The following ARL5A variants were observed in gnomAD, a reference collection of about 807,000 sequenced individuals.
ARL5A encodes the protein ADP-ribosylation factor-like protein 5A.
ARL5A carries 18 observed loss-of-function variants against 25.9 expected under a neutral mutation model. The observed-to-expected ratio is 0.69, with a 90% CI of 0.48 to 1.03. ARL5A has a LOEUF of 1.03. Ranked by LOEUF, ARL5A falls within the 50% of genes least tolerant of loss-of-function variation. ARL5A has a pLI of 0.00. For synonymous variants in ARL5A, 61 were observed against 67.5 expected, an observed-to-expected ratio of 0.90 and a Z score of 0.47; for missense variants, 170 against 211.9, an observed-to-expected ratio of 0.80 and a Z score of 1.23.
intron 1 of ARL5A, among the ~76,000 whole-genome samples, chr2:151,822,198 T>C (rs144772821): frequency 0.011 from 1,662 of 151,942 alleles, 28 homozygotes; most frequent in African/African-American, 0.038. Context: ...TTAGTAGAGA[T>C]AGGGGTTTTG....
At chr2:151,825,228 A>G (rs1294259483) in intron 1 of ARL5A, among the ~76,000 whole-genome samples, 1 of 152,208 alleles carries the variant, frequency 6.6e-6, no homozygotes, top group African/African-American at 2.4e-5. Context: ...AAAAAAAGTT[A>G]CTAATGGCAA....
In ARL5A at chr2:151,828,208, C is replaced by A. The variant is rs1425033247; in HGVS notation, c.-32G>T. The A allele has an allele frequency of 1.2e-6, 2 of 1,602,956 alleles. No homozygotes were observed. The highest frequency in any genetic ancestry group is 1.7e-5 in the Admixed American group (1 of 59,282). On this transcript the variant is annotated 5_prime_UTR_variant, in exon 1 of 6. Transcript: ENST00000295087. ...GCAGCGGACCCCCCCCCTCCAGACA[C>A]CCGGGCCGCCTGGCTTCCCCCGGCT...
chr2:151,811,600 G>T (rs1477448483), intron 4 of ARL5A, among the ~76,000 whole-genome samples: 1 of 151,552 alleles, frequency 6.6e-6, no homozygotes, highest in Non-Finnish European at 1.5e-5. Context: ...TTGAGACAAG[G>T]TCTCACTCTG....
At position 151,814,168 on chromosome 2, in the gene ARL5A, C is replaced by T; in HGVS notation, c.255+1G>A. 6.4e-7 allele frequency: 1 copy of T among 1,570,940 alleles called. No homozygotes were observed. The highest frequency in any genetic ancestry group is 8.6e-7 in the Non-Finnish European group (1 of 1,165,514). ...ATTTTAAATATTGTAAGAAACATTA[C>T]CTCTGTGTTAGTATAGTAAGTGTTC... On this transcript the variant is annotated splice_donor_variant, in intron 3 of 5. Transcript: ENST00000295087. LOFTEE classifies it high-confidence loss of function.
Position 151,828,198 on chromosome 2 carries a change from C to CCCT in ARL5A, c.-23_-22insAGG. On this transcript the variant is annotated 5_prime_UTR_variant, in exon 1 of 6. Coordinates refer to ENST00000295087, the MANE Select transcript of ARL5A (RefSeq NM_012097.4). ...CCATTCTCGGGCAGCGGACCCCCCCCCTCCAGACACCCGGGCCGCCTGGCT... is the reference window on the plus strand; with the variant it reads ...CCATTCTCGGGCAGCGGACCCCCCCCCCTCTCCAGACACCCGGGCCGCCTGGCT... 6.2e-7 allele frequency: 1 copy of CCCT among 1,600,546 alleles called. No homozygotes were observed. The highest frequency in any genetic ancestry group is 8.5e-7 in the Non-Finnish European group (1 of 1,172,574).
chr2:151,805,240 C>T (rs1366801398), intron 5 of ARL5A, among the ~76,000 whole-genome samples: 2 of 151,480 alleles, frequency 1.3e-5, no homozygotes, highest in African/African-American at 4.8e-5. Context: ...AATTAAAAAA[C>T]CTTTTTTAAG....
chr2:151,802,722 T>C lies in ARL5A; in HGVS notation c.*554A>G, dbSNP rs999045853. ...ACACTAATGCCAATACTTATCTCAT[T>C]GTGGTTATAACGAAGGATATTATTA... On this transcript the variant is annotated 3_prime_UTR_variant, in exon 6 of 6. Coordinates refer to ENST00000295087, the MANE Select transcript of ARL5A (RefSeq NM_012097.4). 6.5e-6 allele frequency: 1 copy of C among 152,920 alleles called. No individual in the cohort carries two copies. Among genetic ancestry groups the C allele is most frequent in the African/African-American group, 2.4e-5 (1 of 41,436 alleles). The allele number at this position is 152,920 out of a possible 1,614,324, so 9.5% of individuals were successfully genotyped here. A position where few individuals can be genotyped will look rare whatever the true frequency, so the allele number is the denominator to read the frequency against.
At chr2:151,804,477 G>A (rs943803947) in intron 5 of ARL5A, among the ~76,000 whole-genome samples, 5 of 151,960 alleles carry the variant, frequency 3.3e-5, no homozygotes, top group Non-Finnish European at 1.5e-5. Context: ...GTCTAATAAC[G>A]TAAAAGAAGA....
At chr2:151,820,511 T>C (rs1443185736) in intron 1 of ARL5A, among the ~76,000 whole-genome samples, 1 of 151,698 alleles carries the variant, frequency 6.6e-6, no homozygotes, top group Non-Finnish European at 1.5e-5. Context: ...AATTCAAAAA[T>C]TAGCTGGGTG....
chr2:151,827,191 A>C (rs2099833177), intron 1 of ARL5A, among the ~76,000 whole-genome samples: 1 of 152,240 alleles, frequency 6.6e-6, no homozygotes, highest in Non-Finnish European at 1.5e-5. Flanking sequence ...AAAAGAAACA[A>C]AAGTACACCA....
rs534869983 is a variant in ARL5A at position 151,815,737 on chromosome 2, A to G, written c.47-538T>C. Among the ~76,000 whole-genome samples, 12 of 152,288 alleles carry G rather than the reference A, an allele frequency of 7.9e-5. No homozygotes were observed. The East Asian group carries it at 2.3e-3, about 29-fold the overall frequency. On this transcript the variant is annotated intron_variant, in intron 1 of 5. Coordinates refer to ENST00000295087, the MANE Select transcript of ARL5A (RefSeq NM_012097.4). ...TCTAAGAACCTATGGCTATGGTGGCAGCGACTCCCTCCCCCCATTTGGCTT... is the reference window on the plus strand; with the variant it reads ...TCTAAGAACCTATGGCTATGGTGGCGGCGACTCCCTCCCCCCATTTGGCTT...
intron 1 of ARL5A, among the ~76,000 whole-genome samples, chr2:151,820,087 C>T (rs2151296401): frequency 6.6e-6 from 1 of 152,296 alleles, no homozygotes; most frequent in Admixed American, 6.5e-5. Flanking sequence ...ACAGACAAGT[C>T]TAAGATAAAG....
At chr2:151,824,292 A>C (rs1181426769) in intron 1 of ARL5A, among the ~76,000 whole-genome samples, 1 of 152,232 alleles carries the variant, frequency 6.6e-6, no homozygotes, top group Admixed American at 6.5e-5. Flanking sequence ...AGCTAGGCTA[A>C]AGCCATGGTT....
chr2:151,803,713 C>T (rs929743098), intron 5 of ARL5A, among the ~76,000 whole-genome samples: 1 of 152,150 alleles, frequency 6.6e-6, no homozygotes, highest in Non-Finnish European at 1.5e-5. Flanking sequence ...ATCTCTAGCA[C>T]CCAGAACGCT....
Position 151,820,660 on chromosome 2 carries a change from CAAAAAAAA to C in ARL5A, c.47-5469_47-5462del, listed in dbSNP as rs71410438. ...GGGCGACAGAGTGAGATCCTGTCTCCAAAAAAAAAAAAAAAAAAAAAAAAACAGAATCC... is the reference window on the plus strand; with the variant it reads ...GGGCGACAGAGTGAGATCCTGTCTCCAAAAAAAAAAAAAAAAACAGAATCC... On this transcript the variant is annotated intron_variant, in intron 1 of 5. Coordinates refer to ENST00000295087, the MANE Select transcript of ARL5A (RefSeq NM_012097.4). 4.6e-3 allele frequency among the ~76,000 whole-genome samples: 209 copies of C among 45,078 alleles called. 1 individual carries two copies. Among genetic ancestry groups the C allele is most frequent in the African/African-American group, 0.02 (196 of 9,872 alleles). The allele number at this position is 45,078 out of a possible 152,430, so 29.6% of individuals were successfully genotyped here. A position where few individuals can be genotyped will look rare whatever the true frequency, so the allele number is the denominator to read the frequency against.
At position 151,815,162 on chromosome 2, in the gene ARL5A, C is replaced by A. The variant is rs1375653011; in HGVS notation, c.84G>T (p.Gly28=). 1 of 1,607,192 alleles carries A rather than the reference C, an allele frequency of 6.2e-7. No individual in the cohort carries two copies. Among genetic ancestry groups the A allele is most frequent in the Admixed American group, 1.7e-5 (1 of 59,626 alleles). The change falls in exon 2 of 6, where the codon GGG becomes GGT. Residue 28 remains glycine, a synonymous_variant. Coordinates refer to ENST00000295087, the MANE Select transcript of ARL5A (RefSeq NM_012097.4). ...ACAATTGGTAAAGAATGGTAGTTTT[C>A]CCTGCATTATCCAGCCCAACAATGA... is the stretch of plus-strand genomic sequence containing the variant. ...KVIIVGLDNA[G]KTTILYQFSM...
intron 1 of ARL5A, among the ~76,000 whole-genome samples, chr2:151,826,943 T>C (rs1423098312): frequency 4.6e-5 from 7 of 152,180 alleles, no homozygotes; most frequent in East Asian, 3.8e-4. Context: ...TGTGTGTGTG[T>C]GTGCGTAAAA....
rs184510765 is a variant in ARL5A, at chr2:151,814,058, C to G, written c.255+111G>C. 5.0e-4 allele frequency: 501 copies of G among 1,001,836 alleles called. 3 individuals carry two copies. In the African/African-American group the frequency reaches 8.0e-3, roughly 16 times the overall value. 62.1% of individuals were successfully genotyped at this position (1,001,836 alleles called of 1,614,324 possible). ...TCAGATTTTACTCTGCTTAAACTCT[C>G]TATGTATTAACATACTGTGATATTT... On this transcript the variant is annotated intron_variant, in intron 3 of 5. Transcript: ENST00000295087.
intron 1 of ARL5A, among the ~76,000 whole-genome samples, chr2:151,820,722 T>C (rs189701791): frequency 1.9e-5 from 2 of 107,466 alleles, no homozygotes; most frequent in Admixed American, 1.9e-4. Context: ...AAAATGTTAA[T>C]AGAGAAAAGC....
Sources: gnomAD v4.1 joint callset for allele counts (sites outside exome capture counted in the v4.1 genomes callset) on GRCh38, gnomAD v4.1.1 for gene constraint, MANE v1.5 for transcripts, NCBI Gene and HGNC (gene_info 2026-07-23, HGNC 2026-07-21) for gene names.